The following MAP4K4 variants were observed in gnomAD, a reference collection of about 807,000 sequenced individuals.
MAP4K4 encodes the protein HPK/GCK-like kinase HGK.
Under a neutral mutation model 189.6 loss-of-function variants are expected in MAP4K4, and 38 were observed. The observed-to-expected ratio is 0.20, with a 90% confidence interval of 0.15 to 0.26. The LOEUF is 0.26. MAP4K4 is among the 10% of genes least tolerant of loss of function. The pLI, the probability that MAP4K4 is intolerant of heterozygous loss-of-function variation, is 1.00. For synonymous variants in MAP4K4, 610 were observed against 624.3 expected (o/e 0.98, Z 0.34); for missense variants, 1,054 against 1,726.9 (o/e 0.61, Z 6.91).
chr2:101,867,673 T>C lies in MAP4K4; in HGVS notation c.2455-356T>C, dbSNP rs1039335689. ...AGAAAGAAAAGCCTTTTTATCTCTT[T>C]CTTGGCATTAACCTTTACTTATTCT... On this transcript the variant is annotated intron_variant, in intron 20 of 32. Transcript: ENST00000324219. The C allele has an allele frequency of 1.1e-5, 4 of 369,670 alleles. No homozygotes were observed. In the South Asian group the frequency reaches 1.9e-4, roughly 17 times the overall value. 22.9% of individuals were successfully genotyped at this position (369,670 alleles called of 1,614,324 possible). A position where few individuals can be genotyped will look rare whatever the true frequency, so the allele number is the denominator to read the frequency against.
chr2:101,878,252 T>A (rs2150149341), intron 27 of MAP4K4, among the ~76,000 whole-genome samples: 1 of 152,250 alleles, frequency 6.6e-6, no homozygotes, highest in Non-Finnish European at 1.5e-5. Flanking sequence ...ATAAAAATGG[T>A]TATACAATAT....
At chr2:101,886,742 A>G (rs1436753258) in intron 29 of MAP4K4, among the ~76,000 whole-genome samples, 1 of 152,154 alleles carries the variant, frequency 6.6e-6, no homozygotes, top group African/African-American at 2.4e-5. Flanking sequence ...AGTTTGATCT[A>G]TTAGAAGTAA....
exon 33 of MAP4K4, chr2:101,891,787 G>A (rs889372927): frequency 1.3e-5 from 2 of 152,602 alleles, no homozygotes; most frequent in South Asian, 4.2e-4. Flanking sequence ...AGAAGAAGAT[G>A]CAGGTTTAAG....
At chr2:101,806,444 C>T (rs576892026) in intron 3 of MAP4K4, among the ~76,000 whole-genome samples, 10 of 150,404 alleles carry the variant, frequency 6.6e-5, no homozygotes, top group African/African-American at 1.5e-4. Flanking sequence ...GGCACGATCA[C>T]GGCTCACTGC....
intron 2 of MAP4K4, among the ~76,000 whole-genome samples, chr2:101,717,638 T>A (rs1033750911): frequency 1.3e-5 from 2 of 152,198 alleles, no homozygotes; most frequent in Non-Finnish European, 2.9e-5. Context: ...CACATGGGAC[T>A]GTCTGTGGTG....
chr2:101,798,063 G>A (rs1368574564), intron 3 of MAP4K4, among the ~76,000 whole-genome samples: 1 of 151,174 alleles, frequency 6.6e-6, no homozygotes, highest in Admixed American at 6.6e-5. Flanking sequence ...GGGACTACAG[G>A]AGTGTGCCAC....
chr2:101,730,769 C>T (rs1207044558), intron 2 of MAP4K4, among the ~76,000 whole-genome samples: 1 of 152,012 alleles, frequency 6.6e-6, no homozygotes, highest in African/African-American at 2.4e-5. Context: ...GAATAGTGGC[C>T]GGGTGTGGTG....
chr2:101,739,461 G>A (rs1241063325), intron 2 of MAP4K4, among the ~76,000 whole-genome samples: 1 of 152,074 alleles, frequency 6.6e-6, no homozygotes, highest in Non-Finnish European at 1.5e-5. Context: ...TACAGGCAGA[G>A]CATTACCTCT....
chr2:101,816,337 T>C (rs2149236917), intron 3 of MAP4K4, among the ~76,000 whole-genome samples: 1 of 152,342 alleles, frequency 6.6e-6, no homozygotes, highest in South Asian at 2.1e-4. Context: ...AAGCACGAGC[T>C]CTGGTGCCTG....
intron 23 of MAP4K4, chr2:101,870,770 C>G (rs1402078656): frequency 9.7e-6 from 2 of 205,958 alleles, no homozygotes; most frequent in Non-Finnish European, 2.0e-5. Context: ...GAGCAGCCAC[C>G]ATGGCTCTGC....
intron 2 of MAP4K4, among the ~76,000 whole-genome samples, chr2:101,745,781 C>T (rs1015216398): frequency 6.6e-6 from 1 of 151,844 alleles, no homozygotes; most frequent in African/African-American, 2.4e-5. Context: ...TCTGGATCCA[C>T]TAGCTTGTAA....
In MAP4K4 at chr2:101,861,037, C is replaced by G; in HGVS notation, c.1866+51C>G. 2.0e-6 allele frequency: 3 copies of G among 1,503,370 alleles called. No individual in the cohort carries two copies. In the East Asian group the frequency reaches 7.3e-5, roughly 36 times the overall value. 93.1% of individuals were successfully genotyped at this position (1,503,370 alleles called of 1,614,324 possible). On this transcript the variant is annotated intron_variant, in intron 16 of 32. Transcript: ENST00000324219. ...TTGAGGAGACTCATGCAACGGCTCG[C>G]TGAGCCGCAGGCCTGCTGTAATATC...
chr2:101,707,212 CTTTTTTT>C (rs545502305), intron 2 of MAP4K4, among the ~76,000 whole-genome samples: 1 of 133,944 alleles, frequency 7.5e-6, no homozygotes, highest in Non-Finnish European at 1.6e-5. Flanking sequence ...TTTATTTTAT[CTTTTTTT>C]TTTTTTTTTT....
At chr2:101,701,749 C>T (rs2038916052) in intron 2 of MAP4K4, among the ~76,000 whole-genome samples, 1 of 152,166 alleles carries the variant, frequency 6.6e-6, no homozygotes, top group Non-Finnish European at 1.5e-5. Flanking sequence ...CACAAGGTTA[C>T]ATTCAGAGTA....
At position 101,729,082 on chromosome 2, in the gene MAP4K4, G is replaced by A. The variant is rs922732487; in HGVS notation, c.123+30544G>A. Among the ~76,000 whole-genome samples the A allele has an allele frequency of 4.5e-3, 505 of 113,250 alleles. 2 individuals are homozygous for A. The highest frequency in any genetic ancestry group is 0.016 in the African/African-American group (468 of 30,074). The allele number at this position is 113,250 out of a possible 152,430, so 74.3% of individuals were successfully genotyped here. ...TCAGAAAATGATTAGAGAGAGGAGAGAGAGAGAGAGAGAGAGAGAGTGTGT... is the reference window on the plus strand; with the variant it reads ...TCAGAAAATGATTAGAGAGAGGAGAAAGAGAGAGAGAGAGAGAGAGTGTGT... On this transcript the variant is annotated intron_variant, in intron 2 of 32. Coordinates refer to ENST00000324219, the Ensembl canonical transcript of MAP4K4.
intron 9 of MAP4K4, among the ~76,000 whole-genome samples, chr2:101,837,005 G>A (rs569138902): frequency 4.6e-5 from 7 of 151,670 alleles, no homozygotes; most frequent in African/African-American, 1.7e-4. Flanking sequence ...TGTTTGTTCT[G>A]GTCTGTACTC....
intron 2 of MAP4K4, among the ~76,000 whole-genome samples, chr2:101,731,483 G>C (rs2149592697): frequency 6.6e-6 from 1 of 152,234 alleles, no homozygotes; most frequent in South Asian, 2.1e-4. Context: ...AATGGGCTGG[G>C]GGTGGTGGCT....
intron 28 of MAP4K4, among the ~76,000 whole-genome samples, chr2:101,883,708 T>A (rs1242381158): frequency 6.6e-6 from 1 of 152,166 alleles, no homozygotes; most frequent in Non-Finnish European, 1.5e-5. Context: ...GTGTGTTTTC[T>A]TTTTTCTATG....
chr2:101,849,628 T>TC (rs1167643126), intron 12 of MAP4K4, among the ~76,000 whole-genome samples: 2 of 151,398 alleles, frequency 1.3e-5, no homozygotes, highest in Admixed American at 1.3e-4. Flanking sequence ...TTGTGCTCTT[T>TC]TTTTTTTTTT....
Sources: gnomAD v4.1 joint callset for allele counts (sites outside exome capture counted in the v4.1 genomes callset) on GRCh38, gnomAD v4.1.1 for gene constraint, MANE v1.5 for transcripts, NCBI Gene and HGNC (gene_info 2026-07-23, HGNC 2026-07-21) for gene names.